Variants in PACRG observed in about 807,000 individuals in gnomAD.
The protein encoded by PACRG is parkin coregulated, also known as parkin coregulated gene protein.
A neutral mutation model predicts 29.7 loss-of-function variants in PACRG; 29 were observed. That is an observed-to-expected ratio of 0.98 (90% CI 0.73 to 1.33). The LOEUF (loss-of-function observed/expected upper bound fraction) is 1.33. Ranked by LOEUF, PACRG falls within the 40% of genes most tolerant of loss-of-function variation. PACRG has a pLI of 0.00. For synonymous variants in PACRG, 116 were observed against 118.7 expected, an observed-to-expected ratio of 0.98 and a Z score of 0.15; for missense variants, 279 against 316.2, an observed-to-expected ratio of 0.88 and a Z score of 0.89.
At chr6:163,097,577 AGTTACAGCTTG>A (rs1177579560) in intron 4 of PACRG, among the ~76,000 whole-genome samples, 1 of 152,220 alleles carries the variant, frequency 6.6e-6, no homozygotes, top group Non-Finnish European at 1.5e-5. Flanking sequence ...AAGGTGGTTG[AGTTACAGCTTG>A]GTTTTTATAT....
chr6:162,986,927 A>AT (rs140335831), intron 2 of PACRG, among the ~76,000 whole-genome samples: 8,103 of 150,530 alleles, frequency 0.054, 527 homozygotes, highest in African/African-American at 0.15. Context: ...CTTATCCTGT[A>AT]TTTTTTTTCA....
At chr6:163,302,900 C>T (rs1785057192) in intron 4 of PACRG, among the ~76,000 whole-genome samples, 2 of 152,220 alleles carry the variant, frequency 1.3e-5, no homozygotes, top group Non-Finnish European at 2.9e-5. Context: ...GCAGCCCAGT[C>T]ACCTACAATG....
intron 2 of PACRG, among the ~76,000 whole-genome samples, chr6:162,947,336 A>G (rs1799116629): frequency 4.4e-5 from 1 of 22,940 alleles, no homozygotes; most frequent in South Asian, 2.0e-3. Context: ...ATATAATCAT[A>G]TATATAATGA....
At chr6:162,944,103 A>G (rs2128122562) in intron 2 of PACRG, among the ~76,000 whole-genome samples, 1 of 152,060 alleles carries the variant, frequency 6.6e-6, no homozygotes, top group African/African-American at 2.4e-5. Context: ...CACTGCCACC[A>G]CTGGGGCCTG....
intron 4 of PACRG, among the ~76,000 whole-genome samples, chr6:163,213,121 A>C (rs1050595503): frequency 2.6e-5 from 4 of 152,234 alleles, no homozygotes; most frequent in African/African-American, 9.6e-5. Flanking sequence ...TAACATGGCT[A>C]TGAAATGGAC....
In PACRG at chr6:163,276,876, A is replaced by G. The variant is rs1784047909; in HGVS notation, c.614-37951A>G. Reference sequence around the variant, plus strand: ...TGTGAGCAATAAATTTATGTTGTTTACAAATTACCCAGTCTAAGATATTTG... The same window carrying G: ...TGTGAGCAATAAATTTATGTTGTTTGCAAATTACCCAGTCTAAGATATTTG... On this transcript the variant is annotated intron_variant, in intron 4 of 4. Transcript: ENST00000366888. Among the ~76,000 whole-genome samples, 8 of 152,212 alleles carry G rather than the reference A, an allele frequency of 5.3e-5. No homozygotes were observed. The South Asian group carries it at 1.7e-3, about 32-fold the overall frequency.
intron 1 of PACRG, among the ~76,000 whole-genome samples, chr6:162,780,620 G>C (rs909516843): frequency 1.3e-5 from 2 of 152,110 alleles, no homozygotes; most frequent in East Asian, 3.9e-4. Flanking sequence ...AATAGAAATA[G>C]GACATTAAAA....
chr6:162,869,810 A>G (rs1189822734), intron 2 of PACRG, among the ~76,000 whole-genome samples: 1 of 152,240 alleles, frequency 6.6e-6, no homozygotes, highest in Non-Finnish European at 1.5e-5. Context: ...TTTTATTATT[A>G]CTGTGAAACT....
chr6:163,160,836 GA>G (rs1778526445), intron 4 of PACRG, among the ~76,000 whole-genome samples: 2 of 152,088 alleles, frequency 1.3e-5, no homozygotes, highest in Non-Finnish European at 2.9e-5. Context: ...CTTCTTGGAG[GA>G]ATTCCCACCA....
intron 2 of PACRG, among the ~76,000 whole-genome samples, chr6:162,887,852 G>A (rs1044697283): frequency 2.6e-5 from 4 of 152,136 alleles, no homozygotes; most frequent in African/African-American, 9.7e-5. Context: ...CTGAGGGTGG[G>A]TGAGGCTCAG....
intron 2 of PACRG, among the ~76,000 whole-genome samples, chr6:162,988,909 G>A (rs1385862698): frequency 1.3e-5 from 2 of 152,102 alleles, no homozygotes; most frequent in African/African-American, 2.4e-5. Flanking sequence ...ATTTTGTGGG[G>A]GCAAATAGGC....
At chr6:163,068,735 C>T (rs750855764) in intron 3 of PACRG, among the ~76,000 whole-genome samples, 3 of 151,944 alleles carry the variant, frequency 2.0e-5, no homozygotes, top group Non-Finnish European at 2.9e-5. Flanking sequence ...CTCTATCTTC[C>T]GAAATTGTGA....
chr6:162,841,755 A>T (rs1789793780), intron 2 of PACRG, among the ~76,000 whole-genome samples: 1 of 150,406 alleles, frequency 6.6e-6, no homozygotes. Flanking sequence ...TTCCCTCTAC[A>T]CACTGCTTTG....
intron 4 of PACRG, among the ~76,000 whole-genome samples, chr6:163,140,749 G>A (rs928086825): frequency 2.1e-4 from 32 of 152,062 alleles, no homozygotes; most frequent in Admixed American, 7.2e-4. Flanking sequence ...GAGAGGTCCC[G>A]AAATCATGCT....
At chr6:163,151,042 C>T (rs1332968246) in intron 4 of PACRG, among the ~76,000 whole-genome samples, 1 of 152,058 alleles carries the variant, frequency 6.6e-6, no homozygotes, top group East Asian at 1.9e-4. Flanking sequence ...CATAAGTAAA[C>T]AATGGATGGA....
intron 2 of PACRG, among the ~76,000 whole-genome samples, chr6:162,961,197 T>C (rs999531730): frequency 6.6e-6 from 1 of 152,224 alleles, no homozygotes; most frequent in Non-Finnish European, 1.5e-5. Flanking sequence ...ATAACCTTAC[T>C]GACATATTGT....
chr6:163,222,633 CG>C (rs1266471295), intron 4 of PACRG, among the ~76,000 whole-genome samples: 2 of 152,086 alleles, frequency 1.3e-5, no homozygotes, highest in Non-Finnish European at 1.5e-5. Context: ...CTTTTAAACA[CG>C]TTCACAAATA....
chr6:162,874,881 A>G (rs539580441), intron 2 of PACRG, among the ~76,000 whole-genome samples: 2 of 152,184 alleles, frequency 1.3e-5, no homozygotes, highest in South Asian at 4.2e-4. Flanking sequence ...TCACACACCC[A>G]TTAACACACT....
chr6:162,764,222 C>A (rs1038341305), intron 1 of PACRG, among the ~76,000 whole-genome samples: 5 of 152,034 alleles, frequency 3.3e-5, no homozygotes, highest in Non-Finnish European at 5.9e-5. Context: ...TTGCAGGGAG[C>A]CAGGATTGTG....
Sources: allele counts gnomAD v4.1 joint callset (sites outside exome capture counted in the v4.1 genomes callset), GRCh38; gene constraint gnomAD v4.1.1; transcripts MANE v1.5; gene names NCBI Gene and HGNC (gene_info 2026-07-23, HGNC 2026-07-21).